The following TRHDE variants were observed in gnomAD, a reference collection of about 807,000 sequenced individuals.
The protein encoded by TRHDE is thyrotropin releasing hormone degrading enzyme.
In TRHDE, 72 loss-of-function variants were observed where a neutral mutation model predicts 125.7. The observed-to-expected ratio is 0.57, with a 90% CI of 0.47 to 0.70. The LOEUF is 0.70. TRHDE is among the 30% of genes least tolerant of loss of function. The pLI is 0.00. For synonymous variants in TRHDE, 509 were observed against 509.1 expected, an observed-to-expected ratio of 1.00 and a Z score of 0.00; for missense variants, 1,110 against 1,327.1, an observed-to-expected ratio of 0.84 and a Z score of 2.54.
chr12:72,321,966 T>C (rs1284836081), intron 2 of TRHDE, among the ~76,000 whole-genome samples: 1 of 152,120 alleles, frequency 6.6e-6, no homozygotes, highest in Non-Finnish European at 1.5e-5. Flanking sequence ...GTAGTTCTTA[T>C]GCATAGGAGA....
At chr12:72,614,324 A>ATG (rs1460643879) in intron 12 of TRHDE, among the ~76,000 whole-genome samples, 1,894 of 10,194 alleles carry the variant, frequency 0.19, 51 homozygotes, top group African/African-American at 0.35. Flanking sequence ...ATATATATAT[A>ATG]TATATATTTT....
chr12:72,259,301 C>A (rs1878894222), intron 2 of TRHDE, among the ~76,000 whole-genome samples: 1 of 151,996 alleles, frequency 6.6e-6, no homozygotes, highest in African/African-American at 2.4e-5. Flanking sequence ...TTAAGTTGTT[C>A]CAGATTTGGT....
At chr12:72,553,658 T>C (rs924044997) in intron 7 of TRHDE, among the ~76,000 whole-genome samples, 1 of 152,022 alleles carries the variant, frequency 6.6e-6, no homozygotes, top group Non-Finnish European at 1.5e-5. Flanking sequence ...TGGAAGGAAG[T>C]CTTCTAAGCA....
chr12:72,570,594 AAAAAAAAAAAAG>A (rs1238221280), intron 10 of TRHDE, among the ~76,000 whole-genome samples: 1 of 150,464 alleles, frequency 6.6e-6, no homozygotes, highest in African/African-American at 2.5e-5. Context: ...AAAAAAAAAA[AAAAAAAAAAAAG>A]AGTAGTATAC....
At chr12:72,408,264 T>A (rs928635063) in intron 3 of TRHDE, among the ~76,000 whole-genome samples, 9 of 152,180 alleles carry the variant, frequency 5.9e-5, no homozygotes, top group South Asian at 2.1e-4. Context: ...GGATAAAGTT[T>A]CCAACACATG....
chr12:72,162,058 C>T (rs1161522167), intron 2 of TRHDE, among the ~76,000 whole-genome samples: 1 of 152,128 alleles, frequency 6.6e-6, no homozygotes, highest in Non-Finnish European at 1.5e-5. Context: ...TCCCATCATC[C>T]ATAGGACAGA....
At chr12:72,207,128 T>G (rs1877684123) in intron 2 of TRHDE, among the ~76,000 whole-genome samples, 1 of 152,222 alleles carries the variant, frequency 6.6e-6, no homozygotes, top group South Asian at 2.1e-4. Context: ...CTGCTCATAC[T>G]TCATCCTTTT....
rs199961148 is a variant in TRHDE, at chr12:72,273,279, C to A, written c.636C>A (p.Val212=). 1 of 1,614,088 alleles carries A rather than the reference C, an allele frequency of 6.2e-7. No homozygotes were observed. The highest frequency in any genetic ancestry group is 8.5e-7 in the Non-Finnish European group (1 of 1,180,020). ...AGAACTTCACCTTCTCCGGGGAGGT[C>A]AACGTGGAGATCGCGTGCCGGAACG... The part of the protein sequence containing the change: ...FMENFTFSGE[V]NVEIACRNAT... The change falls in exon 1 of 19, where the codon GTC becomes GTA. Residue 212 remains valine, a synonymous_variant. Coordinates refer to ENST00000261180, the MANE Select transcript of TRHDE (RefSeq NM_013381.3). The surrounding 1 kb of genome is among the most constrained non-coding windows in gnomAD (Gnocchi z 5.3).
chr12:72,462,949 G>A (rs1299598599), intron 3 of TRHDE, among the ~76,000 whole-genome samples: 1 of 152,192 alleles, frequency 6.6e-6, no homozygotes, highest in Non-Finnish European at 1.5e-5. Flanking sequence ...TTTACTGAGT[G>A]AGTGAATGAA....
intron 2 of TRHDE, among the ~76,000 whole-genome samples, chr12:72,171,562 C>T (rs983467982): frequency 6.6e-6 from 1 of 152,076 alleles, no homozygotes; most frequent in Admixed American, 6.5e-5. Context: ...AAAGATTGTG[C>T]CCAGATGTCC....
At chr12:72,330,962 T>A (rs1869566080) in intron 2 of TRHDE, among the ~76,000 whole-genome samples, 1 of 152,188 alleles carries the variant, frequency 6.6e-6, no homozygotes, top group Non-Finnish European at 1.5e-5. Flanking sequence ...TATGCATTTC[T>A]AACAAGTTTC....
At chr12:72,118,681 A>G (rs1410948579) in intron 2 of TRHDE, among the ~76,000 whole-genome samples, 1 of 152,092 alleles carries the variant, frequency 6.6e-6, no homozygotes, top group Non-Finnish European at 1.5e-5. Flanking sequence ...CAGGGTTCCA[A>G]GCTTTCCTTT....
intron 2 of TRHDE, among the ~76,000 whole-genome samples, chr12:72,300,478 A>T (rs950213016): frequency 6.6e-6 from 1 of 151,834 alleles, no homozygotes; most frequent in Non-Finnish European, 1.5e-5. Flanking sequence ...ATACACATAG[A>T]CATATACATG....
chr12:72,571,974 AACACACACACACAC>A (rs59206098), intron 10 of TRHDE, among the ~76,000 whole-genome samples: 43 of 127,516 alleles, frequency 3.4e-4, no homozygotes, highest in East Asian at 1.9e-3. Context: ...TGACTCTGCA[AACACACACACACAC>A]ACACACACAC....
At chr12:72,513,013 C>G (rs1043102936) in intron 6 of TRHDE, among the ~76,000 whole-genome samples, 4 of 151,898 alleles carry the variant, frequency 2.6e-5, no homozygotes, top group African/African-American at 9.7e-5. Flanking sequence ...TCAGCATAAC[C>G]ACACACCAAT....
At position 72,116,545 on chromosome 12, in the gene TRHDE, T is replaced by C. The variant is rs979611494; in HGVS notation, n.279+10793T>C. 3.9e-5 allele frequency among the ~76,000 whole-genome samples: 6 copies of C among 152,206 alleles called. No homozygotes were observed. The East Asian group carries it at 5.8e-4, about 15-fold the overall frequency. ...CTGTTGTTTCCTGACTTTATAATGATTGACATTCTAATTGGCATGAGATGG... is the reference window on the plus strand; with the variant it reads ...CTGTTGTTTCCTGACTTTATAATGACTGACATTCTAATTGGCATGAGATGG... On this transcript the variant is annotated intron_variant and non_coding_transcript_variant, in intron 2 of 4. Transcript: ENST00000548156.
chr12:72,614,218 A>G (rs1872727561), intron 12 of TRHDE, among the ~76,000 whole-genome samples: 1 of 151,792 alleles, frequency 6.6e-6, no homozygotes, highest in Admixed American at 6.6e-5. Context: ...AAAAAAATTC[A>G]TACTATATCA....
chr12:72,275,735 C>A (rs1267807809), intron 1 of TRHDE, among the ~76,000 whole-genome samples: 1 of 152,144 alleles, frequency 6.6e-6, no homozygotes, highest in Non-Finnish European at 1.5e-5. Flanking sequence ...CTTAAAAAGA[C>A]CAGATGTTTC....
intron 1 of TRHDE, chr12:72,275,013 A>T (rs1374441640): frequency 6.6e-6 from 1 of 152,288 alleles, no homozygotes; most frequent in Non-Finnish European, 1.5e-5. Flanking sequence ...CTTAAAAATT[A>T]AACCAACAAC....
Sources: gnomAD v4.1 joint callset for allele counts (sites outside exome capture counted in the v4.1 genomes callset) on GRCh38, gnomAD v4.1.1 for gene constraint, Gnocchi (gnomAD v3.1) non-coding constraint, MANE v1.5 for transcripts, NCBI Gene and HGNC (gene_info 2026-07-23, HGNC 2026-07-21) for gene names.